NAV2: variants seen among roughly 807,000 people sequenced by gnomAD.
The protein encoded by NAV2 is helicase, APC down-regulated 1.
Under a neutral mutation model 223.2 loss-of-function variants are expected in NAV2, and 54 were observed. The ratio of observed to expected loss-of-function variants is 0.24; its 90% CI spans 0.19 to 0.30. The LOEUF is 0.30. Among genes scored for constraint, NAV2 ranks in the 10% least tolerant of loss-of-function variants. NAV2 has a pLI of 1.00. For missense variants in NAV2, 2,806 were observed against 3,147.5 expected (o/e 0.89, Z 2.60); for synonymous variants, 1,279 against 1,239.3 (o/e 1.03, Z -0.67).
At chr11:19,470,525 C>T (rs1431620186) in intron 1 of NAV2, among the ~76,000 whole-genome samples, 1 of 152,162 alleles carries the variant, frequency 6.6e-6, no homozygotes, top group East Asian at 1.9e-4. Context: ...AGACTGTGAG[C>T]CAAACTCACT....
intron 1 of NAV2, among the ~76,000 whole-genome samples, chr11:19,458,829 G>A (rs1338252304): frequency 1.3e-5 from 2 of 152,372 alleles, no homozygotes; most frequent in South Asian, 4.1e-4. Context: ...ACCTCTCTGA[G>A]GCAGTCCTTC....
chr11:20,072,564 T>C (rs1226680557), intron 22 of NAV2, among the ~76,000 whole-genome samples: 1 of 152,258 alleles, frequency 6.6e-6, no homozygotes, highest in East Asian at 1.9e-4. Context: ...TTACTATCCA[T>C]GAACATGGAA....
intron 1 of NAV2, among the ~76,000 whole-genome samples, chr11:19,395,539 G>A (rs1384724859): frequency 6.6e-6 from 1 of 152,216 alleles, no homozygotes; most frequent in Non-Finnish European, 1.5e-5. Context: ...CCTGACCAAG[G>A]AGACATCATC....
At chr11:19,790,795 T>C (rs183517654) in intron 1 of NAV2, among the ~76,000 whole-genome samples, 52 of 152,314 alleles carry the variant, frequency 3.4e-4, no homozygotes, top group African/African-American at 1.2e-3. Flanking sequence ...CTAACAGTTG[T>C]TCCTTTCTGT....
chr11:19,626,617 G>T (rs1372904518), intron 1 of NAV2, among the ~76,000 whole-genome samples: 1 of 152,060 alleles, frequency 6.6e-6, no homozygotes, highest in East Asian at 1.9e-4. Flanking sequence ...ACTGCTTTGG[G>T]TAGTATTGTC....
chr11:19,523,972 T>A (rs2043761329), intron 1 of NAV2, among the ~76,000 whole-genome samples: 1 of 152,224 alleles, frequency 6.6e-6, no homozygotes, highest in Admixed American at 6.5e-5. Flanking sequence ...CCCAGGTGTT[T>A]TCTCCTCCTT....
Position 20,118,055 on chromosome 11 carries a change from T to A in NAV2, c.7165-78T>A. The A allele has an allele frequency of 2.6e-6, 4 of 1,547,542 alleles. No individual in the cohort carries two copies. In the South Asian group the frequency reaches 4.6e-5, roughly 18 times the overall value. On this transcript the variant is annotated intron_variant, in intron 37 of 37. Coordinates refer to ENST00000349880, the MANE Select transcript of NAV2 (RefSeq NM_145117.5). ...TTATCCCAGGTGAGTCTGGAGGAGG[T>A]GGCATGACCTTTTAGGAGTCCAGGG...
At chr11:19,992,437 A>C (rs1440176170) in intron 11 of NAV2, among the ~76,000 whole-genome samples, 2 of 152,194 alleles carry the variant, frequency 1.3e-5, no homozygotes, top group African/African-American at 4.8e-5. Context: ...TTTTCACTTT[A>C]AAAAGGAAAG....
chr11:19,536,009 T>A (rs1046164711), intron 1 of NAV2, among the ~76,000 whole-genome samples: 8 of 152,194 alleles, frequency 5.3e-5, no homozygotes, highest in African/African-American at 1.9e-4. Flanking sequence ...CTCATAGGCT[T>A]CAACCCAGGC....
At chr11:19,598,807 A>AT (rs2046279656) in intron 1 of NAV2, among the ~76,000 whole-genome samples, 1 of 152,134 alleles carries the variant, frequency 6.6e-6, no homozygotes. Flanking sequence ...CCATTAGAGA[A>AT]TGGGATGCTT....
chr11:19,713,593 G>T lies in NAV2; in HGVS notation c.-103G>T. Reference sequence around the variant, plus strand: ...TAGCCGCTGGTGGTGGGCGCCTCGTGGGCTAAGGCCCGGCGCCTGCTCTGC... The same window carrying T: ...TAGCCGCTGGTGGTGGGCGCCTCGTTGGCTAAGGCCCGGCGCCTGCTCTGC... On this transcript the variant is annotated 5_prime_UTR_variant, in exon 1 of 38. Transcript: ENST00000349880. This position sits in a 1 kb window ranked among gnomAD's most constrained non-coding sequence, Gnocchi z 7.2. 1 of 1,424,680 alleles carries T rather than the reference G, an allele frequency of 7.0e-7. No homozygotes were observed. Among genetic ancestry groups the T allele is most frequent in the East Asian group, 2.6e-5 (1 of 38,144 alleles). 88.3% of individuals were successfully genotyped at this position (1,424,680 alleles called of 1,614,324 possible). A position where few individuals can be genotyped will look rare whatever the true frequency, so the allele number is the denominator to read the frequency against.
At chr11:19,806,895 T>G (rs1400609870) in intron 1 of NAV2, among the ~76,000 whole-genome samples, 4 of 152,240 alleles carry the variant, frequency 2.6e-5, no homozygotes, top group Non-Finnish European at 5.9e-5. Context: ...GAGTGTGATA[T>G]GATAGCTAAC....
In NAV2 at chr11:19,832,171, G is replaced by T. The variant is rs539039569; in HGVS notation, c.268-313G>T. Among the ~76,000 whole-genome samples, 4 of 152,274 alleles carry T rather than the reference G, an allele frequency of 2.6e-5. No homozygotes were observed. In the East Asian group the frequency reaches 7.7e-4, roughly 29 times the overall value. On this transcript the variant is annotated intron_variant, in intron 1 of 37. Transcript: ENST00000349880. Reference sequence around the variant, plus strand: ...GCATCTAGAGTCGCAGCCTCTCAAAGCTGCAGCCTCTCAAAGCCGTCTGGA... The same window carrying T: ...GCATCTAGAGTCGCAGCCTCTCAAATCTGCAGCCTCTCAAAGCCGTCTGGA...
intron 1 of NAV2, among the ~76,000 whole-genome samples, chr11:19,372,070 C>A (rs1202647008): frequency 2.0e-5 from 3 of 152,154 alleles, no homozygotes; most frequent in African/African-American, 7.2e-5. Flanking sequence ...TGAGCCACTG[C>A]ACCTGGCCTA....
intron 1 of NAV2, among the ~76,000 whole-genome samples, chr11:19,486,268 T>C (rs964679054): frequency 1.3e-5 from 2 of 152,134 alleles, no homozygotes; most frequent in African/African-American, 4.8e-5. Flanking sequence ...TTATAGTCTC[T>C]TCCTGGGACC....
chr11:19,443,262 C>T (rs533902565), intron 1 of NAV2, among the ~76,000 whole-genome samples: 28 of 152,288 alleles, frequency 1.8e-4, no homozygotes, highest in South Asian at 4.2e-4. Context: ...TCCTCCACTG[C>T]GACACTTGGA....
intron 11 of NAV2, among the ~76,000 whole-genome samples, chr11:20,011,896 G>T (rs780338267): frequency 2.2e-4 from 33 of 152,196 alleles, no homozygotes; most frequent in Non-Finnish European, 4.0e-4. Flanking sequence ...AAAATGCAAA[G>T]ACCATTCTTG....
chr11:19,407,699 G>A (rs1365085589), intron 1 of NAV2, among the ~76,000 whole-genome samples: 1 of 91,244 alleles, frequency 1.1e-5, no homozygotes, highest in African/African-American at 4.7e-5. Context: ...CATAGCCCCC[G>A]CATGCCCCCC....
intron 10 of NAV2, among the ~76,000 whole-genome samples, chr11:19,982,290 C>T (rs574001976): frequency 2.1e-3 from 299 of 139,092 alleles, no homozygotes; most frequent in African/African-American, 7.8e-3. Context: ...TTTTTTGAGA[C>T]GGAATCTCAC....
Sources: allele counts gnomAD v4.1 joint callset (sites outside exome capture counted in the v4.1 genomes callset), GRCh38; gene constraint gnomAD v4.1.1; non-coding constraint Gnocchi (gnomAD v3.1); transcripts MANE v1.5; gene names NCBI Gene and HGNC (gene_info 2026-07-23, HGNC 2026-07-21).